Variants in MEF2A observed in about 807,000 individuals in gnomAD.
MEF2A encodes myocyte enhancer factor 2A.
MEF2A carries 28 observed loss-of-function variants against 55.8 expected under a neutral mutation model. The ratio of observed to expected loss-of-function variants is 0.50; its 90% confidence interval spans 0.37 to 0.69. MEF2A has a LOEUF of 0.69. MEF2A is among the 30% of genes least tolerant of loss of function. The probability of loss-of-function intolerance (pLI) is 0.00; values close to 1 mark genes in which losing one functional copy is unlikely to be tolerated. For missense variants in MEF2A, 528 were observed against 626.2 expected, an observed-to-expected ratio of 0.84 and a Z score of 1.67; for synonymous variants, 239 against 227.1, an observed-to-expected ratio of 1.05 and a Z score of -0.47.
intron 9 of MEF2A, 46 bp downstream of exon 9, chr15:99,703,431 A>G (rs1222310318): frequency 1.3e-6 from 2 of 1,575,752 alleles, no homozygotes; most frequent in Non-Finnish European, 1.7e-6. Context: ...AGATGTAGAA[A>G]GTACTAATTC....
At chr15:99,680,887 A>C (rs1232277293) in intron 7 of MEF2A, among the ~76,000 whole-genome samples, 3 of 152,142 alleles carry the variant, frequency 2.0e-5, no homozygotes, top group Non-Finnish European at 4.4e-5. Context: ...ATATTTCTTT[A>C]TTTATTACTT....
At chr15:99,691,742 A>T (rs550445290) in intron 8 of MEF2A, among the ~76,000 whole-genome samples, 35 of 151,694 alleles carry the variant, frequency 2.3e-4, no homozygotes, top group African/African-American at 8.0e-4. Flanking sequence ...GAACTATTGT[A>T]GGATAGGGAA....
chr15:99,578,555 G>A (rs1051054585), intron 1 of MEF2A, among the ~76,000 whole-genome samples: 2 of 152,182 alleles, frequency 1.3e-5, no homozygotes, highest in African/African-American at 4.8e-5. Context: ...ATAGCATTTA[G>A]AAACCGAGAT....
intron 2 of MEF2A, among the ~76,000 whole-genome samples, chr15:99,602,083 G>T (rs1380487344): frequency 7.2e-5 from 11 of 152,066 alleles, no homozygotes; most frequent in Admixed American, 6.6e-4. Flanking sequence ...TTCAACTGAG[G>T]GGTATAAGGC....
At chr15:99,603,543 TTGTGTGTGTGTGTG>T (rs1300288383) in intron 2 of MEF2A, among the ~76,000 whole-genome samples, 9 of 126,422 alleles carry the variant, frequency 7.1e-5, no homozygotes, top group Middle Eastern at 3.6e-3. Flanking sequence ...CTGGCTGATT[TTGTGTGTGTGTGTG>T]TGTGTGTGTG....
At chr15:99,572,013 G>GTTT (rs36027608) in intron 1 of MEF2A, among the ~76,000 whole-genome samples, 20 of 128,370 alleles carry the variant, frequency 1.6e-4, no homozygotes, top group East Asian at 2.2e-4. Flanking sequence ...CTCCATAGAA[G>GTTT]TTTTTTTTTT....
chr15:99,689,301 G>C (rs1406575009), intron 7 of MEF2A, among the ~76,000 whole-genome samples: 1 of 152,184 alleles, frequency 6.6e-6, no homozygotes, highest in Non-Finnish European at 1.5e-5. Flanking sequence ...TTAGAAATGA[G>C]TGCTGAATAA....
rs898931369 is a variant in MEF2A at position 99,712,071 on chromosome 15, G to A, written c.1137-319G>A. Among the ~76,000 whole-genome samples, 11 of 152,216 alleles carry A rather than the reference G, an allele frequency of 7.2e-5. No individual in the cohort carries two copies. The highest frequency in any genetic ancestry group is 2.4e-4 in the African/African-American group (10 of 41,462). On this transcript the variant is annotated intron_variant, in intron 11 of 11. Transcript: ENST00000557942. The surrounding 1 kb of genome is among the most constrained non-coding windows in gnomAD (Gnocchi z 4.1). ...GAGGCGGTGAGCAGATGAGGCTGCT[G>A]TTCCTCTGTCTTTCTGGTCCCTGCA...
chr15:99,616,913 T>A (rs954099415), intron 2 of MEF2A, among the ~76,000 whole-genome samples: 1 of 152,210 alleles, frequency 6.6e-6, no homozygotes, highest in Non-Finnish European at 1.5e-5. Context: ...TTTTGATTGG[T>A]TGGCTGGATG....
intron 1 of MEF2A, among the ~76,000 whole-genome samples, chr15:99,577,767 T>TA (rs1291110620): frequency 2.8e-4 from 42 of 152,350 alleles, no homozygotes; most frequent in Middle Eastern, 6.8e-3. Flanking sequence ...TCTGTGATAT[T>TA]AACTCATTTT....
intron 3 of MEF2A, among the ~76,000 whole-genome samples, chr15:99,640,515 C>T (rs2044687119): frequency 6.6e-6 from 1 of 151,158 alleles, no homozygotes; most frequent in South Asian, 2.1e-4. Flanking sequence ...CTCCCTCTCT[C>T]CCTCCTTCAC....
chr15:99,637,086 T>C (rs890762235), intron 3 of MEF2A, among the ~76,000 whole-genome samples: 1 of 152,136 alleles, frequency 6.6e-6, no homozygotes, highest in African/African-American at 2.4e-5. Context: ...TTAATTACTA[T>C]AATTTGATAT....
chr15:99,674,681 C>A, intron 6 of MEF2A, 69 bp downstream of exon 6: 1 of 1,286,874 alleles, frequency 7.8e-7, no homozygotes, highest in Non-Finnish European at 1.1e-6. Context: ...CTAACATAAG[C>A]AGTTTCTTAT....
At chr15:99,566,360 G>T (rs1959366341) in intron 1 of MEF2A, 1 of 147,716 alleles carries the variant, frequency 6.8e-6, no homozygotes, top group South Asian at 2.2e-4. Flanking sequence ...GGGAGGCGGC[G>T]AGGGGTGGTC....
At position 99,675,412 on chromosome 15, in the gene MEF2A, C is replaced by T; in HGVS notation, c.624C>T (p.Ser208=). The T allele has an allele frequency of 3.1e-6, 5 of 1,613,858 alleles. No individual in the cohort carries two copies. Among genetic ancestry groups the T allele is most frequent in the Non-Finnish European group, 4.2e-6 (5 of 1,179,786 alleles). ...TAACGTTGTTAGGTGGGATGTTGAGCACTACAGACCTCACAGTGCCAAATG... is the reference window on the plus strand; with the variant it reads ...TAACGTTGTTAGGTGGGATGTTGAGTACTACAGACCTCACAGTGCCAAATG... ...PSTGNAGGML[S]TTDLTVPNGA... The change falls in exon 7 of 12, where the codon AGC becomes AGT. Residue 208 remains serine, a synonymous_variant. Coordinates refer to ENST00000557942, the MANE Select transcript of MEF2A (RefSeq NM_001319206.4).
At chr15:99,629,443 C>G (rs1163214364) in intron 2 of MEF2A, among the ~76,000 whole-genome samples, 1 of 148,564 alleles carries the variant, frequency 6.7e-6, no homozygotes, top group East Asian at 2.0e-4. Context: ...GGGGTCGGGT[C>G]GTACAATCTA....
chr15:99,584,630 A>T (rs1490908799), intron 1 of MEF2A, among the ~76,000 whole-genome samples: 1 of 152,198 alleles, frequency 6.6e-6, no homozygotes, highest in Non-Finnish European at 1.5e-5. Context: ...GGAATAGGCA[A>T]ATGTATAGAG....
intron 3 of MEF2A, among the ~76,000 whole-genome samples, chr15:99,638,081 G>A (rs989096124): frequency 2.0e-5 from 3 of 152,112 alleles, no homozygotes; most frequent in Non-Finnish European, 2.9e-5. Context: ...TTGGAAAAAT[G>A]TCTATTCAAA....
chr15:99,625,756 C>G (rs572581381), intron 2 of MEF2A, among the ~76,000 whole-genome samples: 2 of 151,388 alleles, frequency 1.3e-5, no homozygotes, highest in African/African-American at 4.9e-5. Flanking sequence ...CCTCTTTATT[C>G]TCTTATGTGG....
Sources: allele counts gnomAD v4.1 joint callset (sites outside exome capture counted in the v4.1 genomes callset), GRCh38; gene constraint gnomAD v4.1.1; non-coding constraint Gnocchi (gnomAD v3.1); transcripts MANE v1.5; gene names NCBI Gene and HGNC (gene_info 2026-07-23, HGNC 2026-07-21).